CHRM3: variants seen among roughly 807,000 people sequenced by gnomAD.
CHRM3 encodes the protein muscarinic acetylcholine receptor M3.
A neutral mutation model predicts 41.8 loss-of-function variants in CHRM3; 11 were observed. The ratio of observed to expected loss-of-function variants is 0.26; its 90% CI spans 0.17 to 0.44. The LOEUF is 0.44. CHRM3 is among the 20% of genes least tolerant of loss of function. The pLI, the probability that CHRM3 is intolerant of heterozygous loss-of-function variation, is 1.00. For missense variants in CHRM3, 571 were observed against 745.4 expected (o/e 0.77, Z 2.72); for synonymous variants, 297 against 301.4 (o/e 0.99, Z 0.15).
intron 6 of CHRM3, among the ~76,000 whole-genome samples, chr1:239,847,204 A>G (rs1012721809): frequency 6.6e-6 from 1 of 152,182 alleles, no homozygotes; most frequent in African/African-American, 2.4e-5. Context: ...CCAGAAGTAG[A>G]TTCAACACTT....
At chr1:239,506,758 A>G (rs771994799) in intron 2 of CHRM3, among the ~76,000 whole-genome samples, 1 of 152,170 alleles carries the variant, frequency 6.6e-6, no homozygotes, top group Non-Finnish European at 1.5e-5. Context: ...CAGACACTCA[A>G]TGCCAGCCCA....
chr1:239,680,120 AC>A (rs1428297194), intron 5 of CHRM3, among the ~76,000 whole-genome samples: 5 of 151,792 alleles, frequency 3.3e-5, no homozygotes, highest in African/African-American at 1.2e-4. Flanking sequence ...TCCTCATCTC[AC>A]CACTCTTCTC....
intron 3 of CHRM3, among the ~76,000 whole-genome samples, chr1:239,562,951 A>G (rs1316944952): frequency 6.6e-6 from 1 of 152,000 alleles, no homozygotes; most frequent in Non-Finnish European, 1.5e-5. Flanking sequence ...TTCACCATGT[A>G]AAGAAAAATG....
intron 5 of CHRM3, among the ~76,000 whole-genome samples, chr1:239,808,126 C>T (rs1670809753): frequency 1.3e-5 from 2 of 152,040 alleles, no homozygotes; most frequent in South Asian, 4.1e-4. Context: ...CTGACTAGCC[C>T]CAAAGTCCCA....
intron 5 of CHRM3, among the ~76,000 whole-genome samples, chr1:239,806,823 A>G (rs535521209): frequency 2.0e-5 from 3 of 152,230 alleles, no homozygotes; most frequent in South Asian, 2.1e-4. Flanking sequence ...GGAAGAAGAG[A>G]TAGAGTATCT....
In CHRM3 at chr1:239,499,539, A is replaced by T. The variant is rs147623622; in HGVS notation, c.-422+6732A>T. ...GGCACTTGATTGTTCAAGACTCAGT[A>T]AAAGATTATATTTTCTAAAGAGAGA... On this transcript the variant is annotated intron_variant, in intron 2 of 6. Coordinates refer to ENST00000676153, the MANE Select transcript of CHRM3 (RefSeq NM_001375978.1). Among the ~76,000 whole-genome samples the T allele has an allele frequency of 3.3e-3, 507 of 152,280 alleles. 4 individuals are homozygous for T. Among genetic ancestry groups the T allele is most frequent in the African/African-American group, 0.012 (481 of 41,568 alleles).
chr1:239,512,002 G>C (rs1466030224), intron 2 of CHRM3, among the ~76,000 whole-genome samples: 1 of 152,136 alleles, frequency 6.6e-6, no homozygotes, highest in Non-Finnish European at 1.5e-5. Flanking sequence ...GGCTGAATGG[G>C]GAGGATGAGG....
At chr1:239,668,089 C>CTTTTT (rs1221135009) in intron 4 of CHRM3, among the ~76,000 whole-genome samples, 29 of 75,604 alleles carry the variant, frequency 3.8e-4, no homozygotes, top group Non-Finnish European at 6.1e-4. Flanking sequence ...TTTCCCCTTT[C>CTTTTT]TTTTTTTTTT....
At chr1:239,663,773 TA>T (rs1673498542) in intron 4 of CHRM3, among the ~76,000 whole-genome samples, 1 of 152,184 alleles carries the variant, frequency 6.6e-6, no homozygotes, top group African/African-American at 2.4e-5. Flanking sequence ...TTAGACACTT[TA>T]AAAATACATA....
intron 3 of CHRM3, among the ~76,000 whole-genome samples, chr1:239,610,590 C>T (rs1666904153): frequency 6.6e-6 from 1 of 152,148 alleles, no homozygotes; most frequent in South Asian, 2.1e-4. Context: ...GTCCTCACAT[C>T]AGCTTGTGTG....
intron 1 of CHRM3, among the ~76,000 whole-genome samples, chr1:239,428,432 T>C (rs1051799692): frequency 1.3e-5 from 2 of 152,210 alleles, no homozygotes; most frequent in Non-Finnish European, 2.9e-5. Context: ...TAGGAGATAC[T>C]TTACAGGACA....
chr1:239,598,728 C>T (rs1665110600), intron 3 of CHRM3, among the ~76,000 whole-genome samples: 1 of 152,116 alleles, frequency 6.6e-6, no homozygotes, highest in Non-Finnish European at 1.5e-5. Flanking sequence ...CTCTGAAATA[C>T]CGAAGTACTC....
At chr1:239,888,599 A>C (rs80099408) in intron 6 of CHRM3, among the ~76,000 whole-genome samples, 1 of 79,424 alleles carries the variant, frequency 1.3e-5, no homozygotes, top group African/African-American at 3.4e-5. Context: ...CCCTGTCTCA[A>C]AAAAAAAAAA....
chr1:239,713,404 T>C (rs544238879), intron 5 of CHRM3, among the ~76,000 whole-genome samples: 2 of 152,240 alleles, frequency 1.3e-5, no homozygotes, highest in Non-Finnish European at 2.9e-5. Flanking sequence ...GCCTGGCCCA[T>C]TGCTCATCAA....
intron 4 of CHRM3, among the ~76,000 whole-genome samples, chr1:239,652,807 G>A (rs1234577636): frequency 7.0e-6 from 1 of 142,570 alleles, no homozygotes; most frequent in Non-Finnish European, 1.6e-5. Context: ...TGCAACATCA[G>A]CCTATCTCAT....
At chr1:239,830,978 T>G (rs1200690781) in intron 6 of CHRM3, among the ~76,000 whole-genome samples, 8 of 152,078 alleles carry the variant, frequency 5.3e-5, no homozygotes, top group African/African-American at 1.9e-4. Flanking sequence ...CAAAATTCGC[T>G]TTGTTTGTAT....
chr1:239,725,219 G>A (rs1165257658), intron 5 of CHRM3, among the ~76,000 whole-genome samples: 1 of 151,862 alleles, frequency 6.6e-6, no homozygotes, highest in African/African-American at 2.4e-5. Flanking sequence ...CATACTTTAT[G>A]AAATGATTAT....
intron 5 of CHRM3, among the ~76,000 whole-genome samples, chr1:239,744,417 A>G (rs1421009531): frequency 1.2e-4 from 18 of 152,064 alleles, no homozygotes; most frequent in Non-Finnish European, 2.6e-4. Context: ...TTAGGTAGGA[A>G]TTTCAGGGAA....
chr1:239,888,401 G>A (rs1288800434), intron 6 of CHRM3, among the ~76,000 whole-genome samples: 1 of 149,944 alleles, frequency 6.7e-6, no homozygotes, highest in African/African-American at 2.5e-5. Context: ...AAAGAAGAAG[G>A]GCAACATAGC....
Sources: allele counts gnomAD v4.1 joint callset (sites outside exome capture counted in the v4.1 genomes callset), GRCh38; gene constraint gnomAD v4.1.1; transcripts MANE v1.5; gene names NCBI Gene and HGNC (gene_info 2026-07-23, HGNC 2026-07-21).